Variants in MCM7 observed in about 807,000 individuals in gnomAD.
The protein encoded by MCM7 is minichromosome maintenance complex component 7, also known as DNA replication licensing factor MCM7.
Under a neutral mutation model 83.5 loss-of-function variants are expected in MCM7, and 95 were observed. That is an observed-to-expected ratio of 1.14 (90% CI 0.96 to 1.35). MCM7 has a LOEUF of 1.35. Ranked by LOEUF, MCM7 falls within the 40% of genes most tolerant of loss-of-function variation. The probability of loss-of-function intolerance (pLI) is 0.00; values close to 1 mark genes in which losing one functional copy is unlikely to be tolerated. For synonymous variants in MCM7, 461 were observed against 352.7 expected, an observed-to-expected ratio of 1.31 and a Z score of -3.44; for missense variants, 1,087 against 957.4, an observed-to-expected ratio of 1.14 and a Z score of -1.79.
chr7:100,094,289 C>T lies in MCM7; in HGVS notation c.1732G>A (p.Ala578Thr), dbSNP rs1219684473. Reference sequence around the variant, plus strand: ...ACGTATGCTGCTGTGATGTAGTCAGCCAGAGACTCTGGCACCATGGGCTGC... The same window carrying T: ...ACGTATGCTGCTGTGATGTAGTCAGTCAGAGACTCTGGCACCATGGGCTGC... ...EKQPMVPESLADYITAAYVEM... is the reference protein window; with the variant it reads ...EKQPMVPESLTDYITAAYVEM... The change falls in exon 13 of 15, where the codon GCT (alanine) becomes ACT (threonine). Residue 578 changes from alanine (A) to threonine (T), a missense_variant. By Grantham distance (58) the Ala-to-Thr change is moderately conservative. Coordinates refer to ENST00000303887, the MANE Select transcript of MCM7 (RefSeq NM_005916.5). 3.1e-6 allele frequency: 5 copies of T among 1,614,180 alleles called. No individual in the cohort carries two copies. Among genetic ancestry groups the T allele is most frequent in the Non-Finnish European group, 4.2e-6 (5 of 1,180,030 alleles).
rs536842148 is a variant in MCM7 at position 100,099,211 on chromosome 7, G to A, written c.402-8C>T. ...CCTTGAAAATACAGCTCACTAAGGG[G>A]AGAAAACAGTCACAAACAAGATCCT... On this transcript the variant is annotated splice_region_variant and splice_polypyrimidine_tract_variant and intron_variant, in intron 4 of 14. Transcript: ENST00000303887. 2.5e-6 allele frequency: 4 copies of A among 1,613,978 alleles called. No homozygotes were observed. The East Asian group carries it at 6.7e-5, about 27-fold the overall frequency.
intron 5 of MCM7, 68 bp from the exon 6 acceptor site, chr7:100,098,783 G>C: frequency 6.3e-7 from 1 of 1,584,880 alleles, no homozygotes; most frequent in Non-Finnish European, 8.6e-7. Flanking sequence ...TCGGTCCTTT[G>C]AATCACATTT....
intron 1 of MCM7, chr7:100,100,450 C>T (rs1795916559): frequency 1.0e-6 from 1 of 1,003,202 alleles, no homozygotes; most frequent in African/African-American, 1.7e-5. Flanking sequence ...CCCCTTAGCC[C>T]CTGATTTCAC....
intron 12 of MCM7, 39 bp from the exon 13 acceptor site, chr7:100,094,380 T>C (rs773550154): frequency 1.2e-6 from 2 of 1,611,734 alleles, no homozygotes; most frequent in African/African-American, 1.3e-5. Context: ...AAGAGGGAGA[T>C]GGGGAAGGGA....
intron 1 of MCM7, chr7:100,100,771 T>A (rs2116603657): frequency 1.0e-6 from 1 of 991,992 alleles, no homozygotes; most frequent in South Asian, 4.4e-5. Context: ...TCCAGCCTCC[T>A]CGCGCCACTT....
rs566038986 is a variant in MCM7, at chr7:100,093,964, G to A, written c.1848+209C>T. ...GTGAAGGTTAAGAAGTGGGGAAAAG[G>A]CCTTTCCCTCCACGGACGCTGTGCG... On this transcript the variant is annotated intron_variant, in intron 13 of 14. Transcript: ENST00000303887. 3.4e-5 allele frequency: 25 copies of A among 744,178 alleles called. No homozygotes were observed. The African/African-American group carries it at 4.1e-4, about 12-fold the overall frequency. The allele number at this position is 744,178 out of a possible 1,614,324, so 46.1% of individuals were successfully genotyped here. A position where few individuals can be genotyped will look rare whatever the true frequency, so the allele number is the denominator to read the frequency against.
intron 11 of MCM7, 135 bp downstream of exon 11, chr7:100,095,639 C>T: frequency 7.3e-7 from 1 of 1,367,272 alleles, no homozygotes; most frequent in Non-Finnish European, 9.9e-7. Context: ...CCCTGAGAAC[C>T]ATGGACCAGC....
intron 1 of MCM7, chr7:100,100,968 G>T: frequency 9.9e-7 from 1 of 1,008,930 alleles, no homozygotes; most frequent in Non-Finnish European, 1.4e-6. Flanking sequence ...CTGAGGTCCT[G>T]GGCGCGACTT....
At chr7:100,101,184 C>T in intron 1 of MCM7, 80 bp downstream of exon 1, 1 of 1,577,976 alleles carries the variant, frequency 6.3e-7, no homozygotes, top group Admixed American at 1.7e-5. Flanking sequence ...CCCGGTCCCC[C>T]AAGACCCCAG....
chr7:100,095,671 C>T, intron 11 of MCM7, 103 bp downstream of exon 11: 3 of 1,460,396 alleles, frequency 2.1e-6, no homozygotes, highest in Non-Finnish European at 2.7e-6. Flanking sequence ...AGGGGAGGCT[C>T]TGGGGTTTCC....
rs1562892598 is a variant in MCM7 at position 100,094,210 on chromosome 7, C to T, written c.1811G>A (p.Arg604Gln). The change falls in exon 13 of 15, where the codon CGG becomes CAG. Residue 604 changes from arginine (R) to glutamine (Q), a missense_variant. Coordinates refer to ENST00000303887, the MANE Select transcript of MCM7 (RefSeq NM_005916.5). ...ASKDATYTSA[R>Q]TLLAILRLST... ...AAGGCGCAGGATAGCCAGCAGGGTC[C>T]GGGCAGAAGTATAGGTGGCATCCTT... The T allele has an allele frequency of 4.3e-6, 7 of 1,614,186 alleles. No homozygotes were observed. The highest frequency in any genetic ancestry group is 1.3e-5 in the African/African-American group (1 of 75,042).
intron 3 of MCM7, 59 bp downstream of exon 3, chr7:100,099,530 C>T (rs921156947): frequency 1.3e-6 from 2 of 1,598,412 alleles, no homozygotes; most frequent in Non-Finnish European, 1.7e-6. Context: ...TCTGAGCAGC[C>T]TCTCTACAGA....
At position 100,099,267 on chromosome 7, in the gene MCM7, G is replaced by C. The variant is rs929406350; in HGVS notation, c.401+12C>G. On this transcript the variant is annotated intron_variant, in intron 4 of 14. Transcript: ENST00000303887. The stretch of plus-strand genomic sequence containing the variant: ...ACCAATCCCTACATCTTTCCCGACA[G>C]AGACCACTCACAATCTGCGCATGAG... 6.2e-6 allele frequency: 10 copies of C among 1,614,016 alleles called. No individual in the cohort carries two copies. Among genetic ancestry groups the C allele is most frequent in the Admixed American group, 1.7e-5 (1 of 59,996 alleles).
chr7:100,100,547 G>C (rs912062432), intron 1 of MCM7: 1 of 993,480 alleles, frequency 1.0e-6, no homozygotes, highest in African/African-American at 1.7e-5. Context: ...GAAGCACATG[G>C]GCCCGGATTC....
At chr7:100,095,683 G>A (rs1795591218) in intron 11 of MCM7, 91 bp downstream of exon 11, 1 of 1,475,572 alleles carries the variant, frequency 6.8e-7, no homozygotes, top group African/African-American at 1.4e-5. Context: ...GGGGTTTCCA[G>A]GAGCGTGGAA....
chr7:100,093,829 A>G (rs751048634), intron 13 of MCM7: 5 of 628,650 alleles, frequency 8.0e-6, no homozygotes, highest in Non-Finnish European at 1.6e-5. Flanking sequence ...CTGCACGAAC[A>G]GCACTTTGGA....
At chr7:100,098,822 TC>T in intron 5 of MCM7, 107 bp from the exon 6 acceptor site, 2 of 1,465,470 alleles carry the variant, frequency 1.4e-6, no homozygotes, top group Non-Finnish European at 1.9e-6. Context: ...CTTGTAAGTG[TC>T]AAGAACCCTC....
Position 100,094,221 on chromosome 7 carries a change from AT to A in MCM7, c.1799del (p.Tyr600LeufsTer20). 2 of 1,614,220 alleles carry A rather than the reference AT, an allele frequency of 1.2e-6. No homozygotes were observed. Among genetic ancestry groups the A allele is most frequent in the Non-Finnish European group, 1.7e-6 (2 of 1,180,044 alleles). On this transcript the variant is annotated frameshift_variant, in exon 13 of 15. Transcript: ENST00000303887. LOFTEE classifies it high-confidence loss of function. The stretch of plus-strand genomic sequence containing the variant: ...TAGCCAGCAGGGTCCGGGCAGAAGT[AT>A]AGGTGGCATCCTTACTAGCCCAAGC... ...REAWASKDAT[Y>X]TSARTLLAIL...
rs1401798818 is a variant in MCM7, at chr7:100,099,616, C to G, written c.249G>C (p.Glu83Asp). The change falls in exon 3 of 15, where the codon GAG becomes GAC. Residue 83 changes from glutamate (E) to aspartate (D), a missense_variant. Glu to Asp is a conservative substitution (Grantham distance 45, BLOSUM62 2). Coordinates refer to ENST00000303887, the MANE Select transcript of MCM7 (RefSeq NM_005916.5). ...CCCTCTCCTTGTACTGAGGCAGCAG[C>G]TCTTGTACGGCATCAGCAAAGAGCT... ...YAKLFADAVQ[E>D]LLPQYKEREV... The G allele has an allele frequency of 6.2e-7, 1 of 1,614,110 alleles. No individual in the cohort carries two copies. Among genetic ancestry groups the G allele is most frequent in the South Asian group, 1.1e-5 (1 of 91,088 alleles).
Sources: gnomAD v4.1 joint callset for allele counts on GRCh38, gnomAD v4.1.1 for gene constraint, MANE v1.5 for transcripts, NCBI Gene and HGNC (gene_info 2026-07-23, HGNC 2026-07-21) for gene names.